Variants in CCDC192 observed in about 807,000 individuals in gnomAD.
CCDC192 encodes coiled-coil domain-containing protein 192.
chr5:127,927,113 C>G (rs1005478735), intron 6 of CCDC192, among the ~76,000 whole-genome samples: 2 of 152,120 alleles, frequency 1.3e-5, no homozygotes, highest in Non-Finnish European at 2.9e-5. Context: ...AATACGTTGA[C>G]ATGAGAAAAA....
At chr5:127,764,711 A>G (rs898176733) in intron 3 of CCDC192, among the ~76,000 whole-genome samples, 1 of 152,110 alleles carries the variant, frequency 6.6e-6, no homozygotes, top group Non-Finnish European at 1.5e-5. Flanking sequence ...TGTAAAATAC[A>G]TTAACACTAA....
chr5:127,758,605 T>A (rs904866640), intron 3 of CCDC192, among the ~76,000 whole-genome samples: 2 of 152,182 alleles, frequency 1.3e-5, no homozygotes, highest in Non-Finnish European at 2.9e-5. Context: ...TACCAAGTTT[T>A]GCTTAAGAAA....
At chr5:127,854,400 G>C (rs1308671277) in intron 5 of CCDC192, among the ~76,000 whole-genome samples, 2 of 152,102 alleles carry the variant, frequency 1.3e-5, no homozygotes, top group Non-Finnish European at 2.9e-5. Context: ...ATAATTTTGA[G>C]AGAGTCCACA....
intron 2 of CCDC192, among the ~76,000 whole-genome samples, chr5:127,729,080 T>C (rs1296446650): frequency 6.6e-6 from 1 of 151,956 alleles, no homozygotes; most frequent in Admixed American, 6.6e-5. Flanking sequence ...CTAATTTTTG[T>C]AGTTTTAGTA....
chr5:127,813,649 T>A (rs879305633), intron 5 of CCDC192, among the ~76,000 whole-genome samples: 1 of 152,148 alleles, frequency 6.6e-6, no homozygotes, highest in Non-Finnish European at 1.5e-5. Context: ...TTTGTCATAG[T>A]CTCAGAATCT....
At position 127,811,781 on chromosome 5, in the gene CCDC192, G is replaced by A. The variant is rs114309151; in HGVS notation, c.411+13619G>A. Among the ~76,000 whole-genome samples the A allele has an allele frequency of 9.8e-3, 1,485 of 152,138 alleles. 22 individuals carry two copies. The highest frequency in any genetic ancestry group is 0.034 in the African/African-American group (1,391 of 41,478). On this transcript the variant is annotated intron_variant, in intron 5 of 6. Coordinates refer to ENST00000514853, the MANE Select transcript of CCDC192 (RefSeq NM_001317938.2). ...GTACCTACACCAATAATCATGATAC[G>A]TGATAGAGTCATTGGCAAGGTCTGA...
At chr5:127,781,987 T>G (rs1037340347) in intron 3 of CCDC192, among the ~76,000 whole-genome samples, 5 of 152,206 alleles carry the variant, frequency 3.3e-5, no homozygotes, top group African/African-American at 1.2e-4. Flanking sequence ...CATCTTTTAT[T>G]ACATTGAGGT....
chr5:127,817,632 G>A lies in CCDC192; in HGVS notation c.411+19470G>A, dbSNP rs73347003. On this transcript the variant is annotated intron_variant, in intron 5 of 6. Transcript: ENST00000514853. ...AGGGGGTGAGATGGATAAGGAGTGA[G>A]GGAGTGACTGCTAATGGATATGAAT... 8.9e-3 allele frequency among the ~76,000 whole-genome samples: 1,350 copies of A among 152,310 alleles called. 15 individuals carry two copies. Among genetic ancestry groups the A allele is most frequent in the African/African-American group, 0.03 (1,266 of 41,570 alleles).
chr5:127,723,075 T>C (rs1752117352), intron 2 of CCDC192, among the ~76,000 whole-genome samples: 1 of 152,208 alleles, frequency 6.6e-6, no homozygotes, highest in African/African-American at 2.4e-5. Context: ...TATTTATTCT[T>C]CCAGACCATG....
intron 5 of CCDC192, among the ~76,000 whole-genome samples, chr5:127,806,763 C>T (rs992237477): frequency 6.6e-6 from 1 of 152,132 alleles, no homozygotes; most frequent in Non-Finnish European, 1.5e-5. Flanking sequence ...TCACCCAGAA[C>T]TCATCCTTTA....
intron 3 of CCDC192, among the ~76,000 whole-genome samples, chr5:127,792,557 T>TATATA (rs1756928691): frequency 6.8e-6 from 1 of 147,968 alleles, no homozygotes; most frequent in African/African-American, 2.5e-5. Flanking sequence ...TGTATAAAAA[T>TATATA]TAGCTGGATG....
At chr5:127,913,283 A>G (rs987776371) in intron 6 of CCDC192, among the ~76,000 whole-genome samples, 2 of 152,194 alleles carry the variant, frequency 1.3e-5, no homozygotes, top group African/African-American at 4.8e-5. Flanking sequence ...ATGCCACTTT[A>G]CCATATTTTC....
At chr5:127,899,012 C>A (rs1479349671) in intron 6 of CCDC192, among the ~76,000 whole-genome samples, 1 of 152,074 alleles carries the variant, frequency 6.6e-6, no homozygotes, top group Non-Finnish European at 1.5e-5. Context: ...TTCTTTGAGT[C>A]AGCTAGCTGT....
At chr5:127,832,353 A>G (rs1212118998) in intron 5 of CCDC192, among the ~76,000 whole-genome samples, 2 of 152,212 alleles carry the variant, frequency 1.3e-5, no homozygotes, top group Non-Finnish European at 2.9e-5. Flanking sequence ...ATGAAAATGC[A>G]TGTGTCCTCT....
rs114099233 is a variant in CCDC192, at chr5:127,834,460, T to C, written c.411+36298T>C. On this transcript the variant is annotated intron_variant, in intron 5 of 6. Transcript: ENST00000514853. ...ATCTGTCTCTTGTCAGTCTAATTTA[T>C]AGGGCCCCAACCAATGAACCTAAGA... Among the ~76,000 whole-genome samples, 598 of 152,302 alleles carry C rather than the reference T, an allele frequency of 3.9e-3. 3 individuals are homozygous for C. The highest frequency in any genetic ancestry group is 0.014 in the African/African-American group (562 of 41,542).
At chr5:127,831,859 G>A (rs1363407785) in intron 5 of CCDC192, among the ~76,000 whole-genome samples, 1 of 151,830 alleles carries the variant, frequency 6.6e-6, no homozygotes, top group African/African-American at 2.4e-5. Context: ...AAAAAATCTT[G>A]TGAAATAAAA....
chr5:127,747,600 A>G (rs1343825390), intron 2 of CCDC192, among the ~76,000 whole-genome samples: 12 of 152,018 alleles, frequency 7.9e-5, no homozygotes, highest in Admixed American at 3.9e-4. Context: ...AGCATGATTT[A>G]TAGTCCTTTG....
intron 3 of CCDC192, among the ~76,000 whole-genome samples, chr5:127,759,994 G>A (rs374945587): frequency 2.8e-4 from 42 of 152,018 alleles, no homozygotes; most frequent in African/African-American, 9.9e-4. Context: ...GGGCAGGGAG[G>A]GTGTCAGGAG....
chr5:127,713,774 ATG>A (rs1357939679), intron 2 of CCDC192, among the ~76,000 whole-genome samples: 2 of 152,210 alleles, frequency 1.3e-5, no homozygotes, highest in Non-Finnish European at 2.9e-5. Flanking sequence ...ATGTTTTAAT[ATG>A]TGTATATAAT....
Sources: gnomAD v4.1 joint callset for allele counts (sites outside exome capture counted in the v4.1 genomes callset) on GRCh38, gnomAD v4.1.1 for gene constraint, MANE v1.5 for transcripts, NCBI Gene and HGNC (gene_info 2026-07-23, HGNC 2026-07-21) for gene names.